The following CBFA2T2 variants were observed in gnomAD, a reference collection of about 807,000 sequenced individuals.
The protein encoded by CBFA2T2 is protein CBFA2T2.
CBFA2T2 carries 11 observed loss-of-function variants against 62.2 expected under a neutral mutation model. The observed-to-expected ratio is 0.18, with a 90% CI of 0.11 to 0.29. CBFA2T2 has a LOEUF of 0.29. Ranked by LOEUF, CBFA2T2 falls within the 10% of genes least tolerant of loss-of-function variation. CBFA2T2 has a pLI of 1.00. For missense variants in CBFA2T2, 592 were observed against 774.1 expected (o/e 0.76, Z 2.79); for synonymous variants, 295 against 287.5 (o/e 1.03, Z -0.27).
intron 10 of CBFA2T2, among the ~76,000 whole-genome samples, chr20:33,641,896 A>G (rs2096399164): frequency 6.6e-6 from 1 of 151,824 alleles, no homozygotes; most frequent in Non-Finnish European, 1.5e-5. Flanking sequence ...AAACAATAGA[A>G]ATGTTATTTT....
At chr20:33,518,161 G>T (rs1243679422) in intron 1 of CBFA2T2, among the ~76,000 whole-genome samples, 1 of 151,496 alleles carries the variant, frequency 6.6e-6, no homozygotes, top group Non-Finnish European at 1.5e-5. Context: ...TGTTAGCCAG[G>T]ATGGTTTCGG....
chr20:33,490,423 G>A, intron 1 of CBFA2T2, 122 bp downstream of exon 1: 1 of 1,019,150 alleles, frequency 9.8e-7, no homozygotes, highest in Non-Finnish European at 1.3e-6. Flanking sequence ...CCCGAAGCGG[G>A]GCGGCGGATC....
intron 1 of CBFA2T2, among the ~76,000 whole-genome samples, chr20:33,542,797 G>A (rs1420202190): frequency 6.6e-6 from 1 of 151,848 alleles, no homozygotes. Context: ...TCAACCTCCC[G>A]GGAAGCTGGG....
At chr20:33,613,985 TC>T (rs1214420715) in intron 3 of CBFA2T2, among the ~76,000 whole-genome samples, 3 of 151,818 alleles carry the variant, frequency 2.0e-5, no homozygotes, top group African/African-American at 7.3e-5. Flanking sequence ...GAGATCGAGA[TC>T]ATCCTGGCTC....
At chr20:33,623,827 G>C (rs981313967) in intron 5 of CBFA2T2, 8 of 716,932 alleles carry the variant, frequency 1.1e-5, no homozygotes, top group Non-Finnish European at 2.1e-5. Flanking sequence ...AGTATTTTTC[G>C]GGAACTCTTC....
intron 1 of CBFA2T2, among the ~76,000 whole-genome samples, chr20:33,556,188 G>A (rs997689258): frequency 2.0e-5 from 3 of 152,294 alleles, no homozygotes; most frequent in African/African-American, 7.2e-5. Flanking sequence ...TTCTAAAACA[G>A]TTCTTCAGCC....
At chr20:33,577,490 C>T (rs1328864203) in intron 1 of CBFA2T2, among the ~76,000 whole-genome samples, 1 of 152,090 alleles carries the variant, frequency 6.6e-6, no homozygotes. Context: ...ATAACAGCTT[C>T]TATGCTTCAA....
chr20:33,523,868 G>C (rs894569829), intron 1 of CBFA2T2, among the ~76,000 whole-genome samples: 1 of 152,216 alleles, frequency 6.6e-6, no homozygotes, highest in Non-Finnish European at 1.5e-5. Flanking sequence ...ATTTTTAGCA[G>C]AGACGGGGTT....
At position 33,519,472 on chromosome 20, in the gene CBFA2T2, AAAAT is replaced by A. The variant is rs753784485; in HGVS notation, c.34+29180_34+29183del. 6.6e-5 allele frequency among the ~76,000 whole-genome samples: 10 copies of A among 152,184 alleles called. No homozygotes were observed. In the East Asian group the frequency reaches 1.2e-3, roughly 18 times the overall value. ...GCAACAGTGCGAGACTCTGTCTCAG[AAAAT>A]AAATAAATTATTTAAATAAAGAGTA... is the stretch of plus-strand genomic sequence containing the variant. On this transcript the variant is annotated intron_variant, in intron 1 of 10. Coordinates refer to ENST00000342704, the MANE Select transcript of CBFA2T2 (RefSeq NM_001032999.3).
intron 1 of CBFA2T2, among the ~76,000 whole-genome samples, chr20:33,530,932 T>C (rs1277441594): frequency 6.6e-6 from 1 of 151,988 alleles, no homozygotes; most frequent in Admixed American, 6.6e-5. Context: ...ATACAAAAAT[T>C]AGCCGGGTGT....
At chr20:33,525,268 C>A (rs1180616882) in intron 1 of CBFA2T2, among the ~76,000 whole-genome samples, 2 of 152,200 alleles carry the variant, frequency 1.3e-5, no homozygotes, top group East Asian at 3.9e-4. Flanking sequence ...TCACCACAAC[C>A]TCCGCCTCCT....
intron 5 of CBFA2T2, among the ~76,000 whole-genome samples, chr20:33,624,196 C>T (rs186534872): frequency 3.5e-5 from 4 of 114,364 alleles, no homozygotes; most frequent in African/African-American, 6.8e-5. Context: ...AAGGCAATAT[C>T]AACAATAGTG....
Position 33,644,574 on chromosome 20 carries a change from C to G in CBFA2T2, c.1716C>G (p.Asp572Glu), listed in dbSNP as rs115506243. 9.8e-4 allele frequency: 1,585 copies of G among 1,613,504 alleles called. 8 individuals are homozygous for G. In the African/African-American group the frequency reaches 0.018, roughly 18 times the overall value. The change falls in exon 11 of 11, where the codon GAC becomes GAG. Residue 572 changes from aspartate to glutamate, a missense_variant. Transcript: ENST00000342704. ...ADCSVPSPAL[D>E]KTSATTSRSS... ...GCAGCGTGCCCAGCCCAGCCCTCGACAAGACCTCGGCAACCACATCGCGTT... is the reference window on the plus strand; with the variant it reads ...GCAGCGTGCCCAGCCCAGCCCTCGAGAAGACCTCGGCAACCACATCGCGTT...
At chr20:33,509,169 C>T (rs2011459446) in intron 1 of CBFA2T2, among the ~76,000 whole-genome samples, 1 of 151,770 alleles carries the variant, frequency 6.6e-6, no homozygotes, top group East Asian at 1.9e-4. Context: ...GAGTTTGAGA[C>T]CAGCCTGGCC....
chr20:33,570,205 C>G (rs942642323), intron 1 of CBFA2T2, among the ~76,000 whole-genome samples: 2 of 152,178 alleles, frequency 1.3e-5, no homozygotes, highest in Non-Finnish European at 1.5e-5. Flanking sequence ...CACTTGAACC[C>G]AGGAGGCAGA....
At chr20:33,493,588 T>C (rs960080830) in intron 1 of CBFA2T2, among the ~76,000 whole-genome samples, 2 of 152,090 alleles carry the variant, frequency 1.3e-5, no homozygotes, top group African/African-American at 4.8e-5. Flanking sequence ...CAGCCTCTTA[T>C]CTCTGGGGCT....
Position 33,644,738 on chromosome 20 carries a change from G to A in CBFA2T2, c.*92G>A, listed in dbSNP as rs900512016. The A allele has an allele frequency of 5.9e-6, 8 of 1,348,684 alleles. No homozygotes were observed. The highest frequency in any genetic ancestry group is 1.5e-5 in the African/African-American group (1 of 68,412). The allele number at this position is 1,348,684 out of a possible 1,614,324, so 83.5% of individuals were successfully genotyped here. On this transcript the variant is annotated 3_prime_UTR_variant, in exon 11 of 11. Transcript: ENST00000342704. ...GTTGGAACCCGTGCATGTAGCTGCC[G>A]GGTCATCAGCAAGAAATGAATTGGA...
chr20:33,554,739 C>T (rs1353324630), intron 1 of CBFA2T2, among the ~76,000 whole-genome samples: 6 of 148,218 alleles, frequency 4.0e-5, no homozygotes, highest in South Asian at 2.2e-4. Context: ...TCTTTTTTAA[C>T]GTTGTTTGAA....
In CBFA2T2 at chr20:33,624,851, C is replaced by T. The variant is rs1477199204; in HGVS notation, c.780C>T (p.His260=). 1.2e-6 allele frequency: 2 copies of T among 1,614,216 alleles called. No individual in the cohort carries two copies. Among genetic ancestry groups the T allele is most frequent in the East Asian group, 4.5e-5 (2 of 44,882 alleles). ...GTACCATCAGCCCTGCTCCTCGGCA[C>T]AGTCCTGCTCTCACTGTGCCCCTCA... ...RVCTISPAPR[H]SPALTVPLMN... Residue 260 remains histidine (H), a synonymous_variant, in exon 6 of 11, where the codon CAC becomes CAT. Transcript: ENST00000342704.
Sources: gnomAD v4.1 joint callset for allele counts (sites outside exome capture counted in the v4.1 genomes callset) on GRCh38, gnomAD v4.1.1 for gene constraint, MANE v1.5 for transcripts, NCBI Gene and HGNC (gene_info 2026-07-23, HGNC 2026-07-21) for gene names.